The following PCNT variants were observed in gnomAD, a reference collection of about 807,000 sequenced individuals.
The protein encoded by PCNT is kendrin.
In PCNT, 319 loss-of-function variants were observed where a neutral mutation model predicts 380.4. The observed-to-expected ratio is 0.84, with a 90% CI of 0.77 to 0.92. The LOEUF (loss-of-function observed/expected upper bound fraction) is 0.92. PCNT is among the 40% of genes least tolerant of loss of function. The probability of loss-of-function intolerance (pLI) is 0.00; values close to 1 mark genes in which losing one functional copy is unlikely to be tolerated. For missense variants in PCNT, 4,400 were observed against 4,255.3 expected (o/e 1.03, Z -0.95); for synonymous variants, 1,845 against 1,735.2 (o/e 1.06, Z -1.57).
chr21:46,377,583 A>T lies in PCNT; in HGVS notation c.3166-4111A>T, dbSNP rs577549466. ...TCTAAAATATTTCATCACCTCAAAA[A>T]GAAACCCCCAGTGGCTCGTGCCTAT... is the stretch of plus-strand genomic sequence containing the variant. On this transcript the variant is annotated intron_variant, in intron 15 of 46. Coordinates refer to ENST00000359568, the MANE Select transcript of PCNT (RefSeq NM_006031.6). Among the ~76,000 whole-genome samples the T allele has an allele frequency of 2.7e-4, 41 of 152,326 alleles. 2 individuals are homozygous for T. The South Asian group carries it at 7.7e-3, about 28-fold the overall frequency.
intron 14 of PCNT, among the ~76,000 whole-genome samples, chr21:46,365,241 C>T (rs1601849052): frequency 6.6e-6 from 1 of 150,844 alleles, no homozygotes; most frequent in South Asian, 2.1e-4. Context: ...CCGTGGGGTT[C>T]TATTCATTCA....
At chr21:46,444,848 A>C in intron 46 of PCNT, 27 bp downstream of exon 46, 1 of 1,607,684 alleles carries the variant, frequency 6.2e-7, no homozygotes, top group Non-Finnish European at 8.5e-7. Context: ...CCGAGTATTT[A>C]TTAAGCTGAT....
At position 46,366,877 on chromosome 21, in the gene PCNT, T is replaced by C. The variant is rs767533911; in HGVS notation, c.2903T>C (p.Leu968Pro). 2.5e-6 allele frequency: 4 copies of C among 1,614,180 alleles called. No individual in the cohort carries two copies. Among genetic ancestry groups the C allele is most frequent in the Non-Finnish European group, 3.4e-6 (4 of 1,180,038 alleles). The change falls in exon 15 of 47, where the codon CTT (leucine) becomes CCT (proline). Residue 968 changes from leucine (L) to proline (P), a missense_variant. Physicochemically the swap from Leu to Pro is moderately conservative, Grantham distance 98 (BLOSUM62 -3). Transcript: ENST00000359568. ...GALETRHLSSLDSLESCYLSE... is the reference protein window; with the variant it reads ...GALETRHLSSPDSLESCYLSE... ...CTGGAGACCAGACATCTGTCCAGCC[T>C]TGATTCTTTGGAATCCTGTTACCTC...
chr21:46,397,144 G>A (rs1488394577), intron 21 of PCNT, 121 bp from the exon 22 acceptor site: 35 of 804,070 alleles, frequency 4.4e-5, no homozygotes, highest in South Asian at 3.9e-4. Flanking sequence ...GTTTTACCCC[G>A]AATTGAAGTG....
At chr21:46,440,300 C>T in intron 42 of PCNT, 98 bp downstream of exon 42, 1 of 1,320,982 alleles carries the variant, frequency 7.6e-7, no homozygotes, top group Non-Finnish European at 1.1e-6. Context: ...AGGTTCTCGT[C>T]TGCCGGGTGT....
chr21:46,347,624 T>A (rs779006044), intron 6 of PCNT, 112 bp downstream of exon 6: 5 of 936,602 alleles, frequency 5.3e-6, no homozygotes, highest in Non-Finnish European at 8.8e-6. Context: ...CAGTCGAGGC[T>A]TTATTAGAAT....
At position 46,352,430 on chromosome 21, in the gene PCNT, C is replaced by T. The variant is rs193112608; in HGVS notation, c.1457-674C>T. Among the ~76,000 whole-genome samples the T allele has an allele frequency of 1.6e-3, 245 of 152,238 alleles. 2 individuals carry two copies. The highest frequency in any genetic ancestry group is 1.9e-3 in the South Asian group (9 of 4,824). On this transcript the variant is annotated intron_variant, in intron 9 of 46. Transcript: ENST00000359568. ...GGGGGCCACAGGCACAGCTGCTCCC[C>T]GCGGGCTCCGGCTCTGGCTTGGTCC...
At chr21:46,368,509 G>T (rs2085009251) in intron 15 of PCNT, among the ~76,000 whole-genome samples, 1 of 152,140 alleles carries the variant, frequency 6.6e-6, no homozygotes, top group African/African-American at 2.4e-5. Flanking sequence ...TCATGAAGAA[G>T]AATTTCTGGC....
intron 11 of PCNT, 23 bp downstream of exon 11, chr21:46,354,091 G>C: frequency 6.2e-7 from 1 of 1,601,890 alleles, no homozygotes; most frequent in Non-Finnish European, 8.6e-7. Flanking sequence ...GCGCTGAGAA[G>C]TGGGGGAGTC....
intron 2 of PCNT, among the ~76,000 whole-genome samples, chr21:46,327,383 G>T (rs542742199): frequency 2.2e-5 from 3 of 133,796 alleles, no homozygotes; most frequent in African/African-American, 7.7e-5. Context: ...TAATAAATTT[G>T]GGTTTTCTTT....
At chr21:46,327,581 T>G (rs1043253689) in intron 2 of PCNT, among the ~76,000 whole-genome samples, 1 of 152,148 alleles carries the variant, frequency 6.6e-6, no homozygotes. Context: ...TTATCTTTAT[T>G]ATGTAATTTT....
At position 46,416,741 on chromosome 21, in the gene PCNT, G is replaced by GGGCTGC. The variant is rs1375029746; in HGVS notation, c.6824_6829dup (p.Leu2276_Leu2277insArgLeu). The GGGCTGC allele has an allele frequency of 6.3e-7, 1 of 1,598,686 alleles. No individual in the cohort carries two copies. Among genetic ancestry groups the GGGCTGC allele is most frequent in the African/African-American group, 1.3e-5 (1 of 74,736 alleles). ...CTCGCTGCCACAGACCCAGGGGCCG[G>GGGCTGC]GGCTGCTTTGTTCCCCAGGCGTGTC... On this transcript the variant is annotated inframe_insertion, in exon 30 of 47. Transcript: ENST00000359568.
intron 14 of PCNT, 45 bp downstream of exon 14, chr21:46,363,979 AC>A (rs1569202404): frequency 6.4e-7 from 1 of 1,558,014 alleles, no homozygotes. Context: ...GAGGCCAGAC[AC>A]CTTGGAGGGT....
intron 29 of PCNT, among the ~76,000 whole-genome samples, chr21:46,415,859 A>T (rs1254986911): frequency 6.6e-6 from 1 of 152,172 alleles, no homozygotes; most frequent in East Asian, 1.9e-4. Context: ...ATCACCGCAG[A>T]AATAGGTTAT....
chr21:46,326,779 C>T lies in PCNT; in HGVS notation c.267+190C>T, dbSNP rs760657000. Among the ~76,000 whole-genome samples the T allele has an allele frequency of 3.7e-4, 57 of 152,158 alleles. 1 individual carries two copies. Among genetic ancestry groups the T allele is most frequent in the Admixed American group, 1.9e-3 (29 of 15,288 alleles). ...CTGTAATCCCCGCACTTTGGGAGGC[C>T]GAGGCAGGCGGATCACCTGAGGTCA... On this transcript the variant is annotated intron_variant, in intron 2 of 46. Transcript: ENST00000359568.
rs1256852289 is a variant in PCNT, at chr21:46,334,442, C to G, written c.313C>G (p.Gln105Glu). The G allele has an allele frequency of 1.2e-6, 2 of 1,614,108 alleles. No individual in the cohort carries two copies. Among genetic ancestry groups the G allele is most frequent in the Non-Finnish European group, 1.7e-6 (2 of 1,180,048 alleles). The part of the protein sequence containing the change: ...GEKREDLEQL[Q>E]QKQVNDHPPE... ...GAAGAGAGAGGACTTGGAACAGCTG[C>G]AGCAGAAGCAAGTCAATGACCATCC... The change falls in exon 3 of 47, where the codon CAG becomes GAG. Residue 105 changes from glutamine (Q) to glutamate (E), a missense_variant. Coordinates refer to ENST00000359568, the MANE Select transcript of PCNT (RefSeq NM_006031.6).
intron 1 of PCNT, 150 bp downstream of exon 1, chr21:46,324,432 C>G (rs1369890888): frequency 1.3e-6 from 1 of 741,150 alleles, no homozygotes; most frequent in East Asian, 2.7e-5. Flanking sequence ...CCGCTGGAAG[C>G]CGCCTCCTGG....
intron 13 of PCNT, among the ~76,000 whole-genome samples, chr21:46,358,784 C>T (rs2084575379): frequency 6.6e-6 from 1 of 151,574 alleles, no homozygotes; most frequent in African/African-American, 2.4e-5. Context: ...ACCACCATGC[C>T]TGGCTAATTT....
At chr21:46,373,878 T>C (rs1325307546) in intron 15 of PCNT, among the ~76,000 whole-genome samples, 1 of 151,692 alleles carries the variant, frequency 6.6e-6, no homozygotes, top group Non-Finnish European at 1.5e-5. Context: ...TACAGGCACA[T>C]ACCACCACGC....
Sources: gnomAD v4.1 joint callset for allele counts (sites outside exome capture counted in the v4.1 genomes callset) on GRCh38, gnomAD v4.1.1 for gene constraint, MANE v1.5 for transcripts, NCBI Gene and HGNC (gene_info 2026-07-23, HGNC 2026-07-21) for gene names.